The following TRIO variants were observed in gnomAD, a reference collection of about 807,000 sequenced individuals.
TRIO encodes triple functional domain protein.
A neutral mutation model predicts 351.9 loss-of-function variants in TRIO; 58 were observed. That is an observed-to-expected ratio of 0.16 (90% CI 0.13 to 0.21). The LOEUF is 0.21. TRIO is among the 10% of genes least tolerant of loss of function. TRIO has a pLI of 1.00. For missense variants in TRIO, 3,201 were observed against 4,027.8 expected, an observed-to-expected ratio of 0.79 and a Z score of 5.56; for synonymous variants, 1,758 against 1,595.7, an observed-to-expected ratio of 1.10 and a Z score of -2.42.
chr5:14,482,979 G>A (rs534612493), intron 46 of TRIO, among the ~76,000 whole-genome samples: 8 of 152,332 alleles, frequency 5.3e-5, no homozygotes, highest in African/African-American at 1.9e-4. Context: ...ACACCTCTGT[G>A]TAACCACAGC....
chr5:14,421,665 C>T (rs1561471746), intron 34 of TRIO, among the ~76,000 whole-genome samples: 1 of 150,838 alleles, frequency 6.6e-6, no homozygotes, highest in Non-Finnish European at 1.5e-5. Flanking sequence ...CAGCAACAGA[C>T]AGCAGGTGTG....
At chr5:14,266,666 A>C (rs954424468) in intron 1 of TRIO, among the ~76,000 whole-genome samples, 1 of 152,188 alleles carries the variant, frequency 6.6e-6, no homozygotes, top group Non-Finnish European at 1.5e-5. Context: ...TAAACATTCC[A>C]ATTTGTTTTA....
chr5:14,287,232 G>A lies in TRIO; in HGVS notation c.540+169G>A, dbSNP rs1281419798. On this transcript the variant is annotated intron_variant, in intron 4 of 56. Transcript: ENST00000344204. ...TTACTGCATGAAATAACAGAGCTGCGTTCATCATCCGAGTGGATTGTTTTA... is the reference window on the plus strand; with the variant it reads ...TTACTGCATGAAATAACAGAGCTGCATTCATCATCCGAGTGGATTGTTTTA... 2.1e-5 allele frequency: 14 copies of A among 677,196 alleles called. No individual in the cohort carries two copies. The Admixed American group carries it at 2.4e-4, about 12-fold the overall frequency. 41.9% of individuals were successfully genotyped at this position (677,196 alleles called of 1,614,324 possible).
At chr5:14,247,911 C>G (rs1382225032) in intron 1 of TRIO, among the ~76,000 whole-genome samples, 1 of 151,922 alleles carries the variant, frequency 6.6e-6, no homozygotes, top group African/African-American at 2.4e-5. Context: ...ACTAAACATA[C>G]AAAAATTAGC....
chr5:14,339,345 A>G (rs768882752), intron 11 of TRIO, among the ~76,000 whole-genome samples: 1 of 152,214 alleles, frequency 6.6e-6, no homozygotes, highest in Non-Finnish European at 1.5e-5. Context: ...CACTTATAAG[A>G]CCATGGAGTC....
At chr5:14,272,995 G>T (rs2152271132) in intron 2 of TRIO, among the ~76,000 whole-genome samples, 1 of 152,044 alleles carries the variant, frequency 6.6e-6, no homozygotes, top group East Asian at 1.9e-4. Flanking sequence ...TTTAAAACGT[G>T]TGATTCAGTG....
Position 14,265,117 on chromosome 5 carries a change from G to C in TRIO, c.158-5708G>C, listed in dbSNP as rs530358019. On this transcript the variant is annotated intron_variant, in intron 1 of 56. Coordinates refer to ENST00000344204, the MANE Select transcript of TRIO (RefSeq NM_007118.4). Reference sequence around the variant, plus strand: ...TTTTTTTTCCCAATCTCTTCCCGCAGATTATTTTCCCATTTAGTAAACACT... The same window carrying C: ...TTTTTTTTCCCAATCTCTTCCCGCACATTATTTTCCCATTTAGTAAACACT... 5.3e-4 allele frequency among the ~76,000 whole-genome samples: 76 copies of C among 143,998 alleles called. No homozygotes were observed. In the South Asian group the frequency reaches 7.2e-3, roughly 14 times the overall value. The allele number at this position is 143,998 out of a possible 152,430, so 94.5% of individuals were successfully genotyped here. A position where few individuals can be genotyped will look rare whatever the true frequency, so the allele number is the denominator to read the frequency against.
At chr5:14,174,609 C>T (rs1255789243) in intron 1 of TRIO, among the ~76,000 whole-genome samples, 3 of 152,184 alleles carry the variant, frequency 2.0e-5, no homozygotes, top group African/African-American at 4.8e-5. Flanking sequence ...GGCTGCGGGC[C>T]TGAACCCTTG....
At chr5:14,488,353 G>GCCCAGCGCTCTC in intron 48 of TRIO, 93 bp downstream of exon 48, 1 of 1,469,038 alleles carries the variant, frequency 6.8e-7, no homozygotes, top group South Asian at 1.3e-5. Context: ...TAACTCGGCT[G>GCCCAGCGCTCTC]CCCAGCGCTC....
chr5:14,249,415 A>G (rs1292402271), intron 1 of TRIO, among the ~76,000 whole-genome samples: 1 of 152,166 alleles, frequency 6.6e-6, no homozygotes, highest in Non-Finnish European at 1.5e-5. Flanking sequence ...GGGAGGCACC[A>G]TCATTACTTC....
At chr5:14,176,057 A>G (rs1470988701) in intron 1 of TRIO, among the ~76,000 whole-genome samples, 1 of 152,210 alleles carries the variant, frequency 6.6e-6, no homozygotes, top group Non-Finnish European at 1.5e-5. Context: ...TAATTCCAGC[A>G]CTTTGGGAAG....
At chr5:14,192,781 T>C (rs1170935423) in intron 1 of TRIO, among the ~76,000 whole-genome samples, 1 of 152,234 alleles carries the variant, frequency 6.6e-6, no homozygotes, top group Non-Finnish European at 1.5e-5. Flanking sequence ...TTACGTAGCC[T>C]CAGAGTTGAA....
intron 33 of TRIO, among the ~76,000 whole-genome samples, chr5:14,410,868 A>C (rs1749142222): frequency 6.6e-6 from 1 of 152,230 alleles, no homozygotes; most frequent in African/African-American, 2.4e-5. Context: ...CCCCAGCAGC[A>C]CGTTTCCTAC....
At chr5:14,210,920 C>T (rs527579575) in intron 1 of TRIO, among the ~76,000 whole-genome samples, 1 of 150,152 alleles carries the variant, frequency 6.7e-6, no homozygotes, top group South Asian at 2.1e-4. Context: ...CTTCTCCTCT[C>T]TGTCCTCTTT....
intron 34 of TRIO, among the ~76,000 whole-genome samples, chr5:14,435,433 C>A (rs1018044823): frequency 7.9e-5 from 12 of 152,118 alleles, no homozygotes; most frequent in Non-Finnish European, 1.5e-4. Context: ...GCAGCATTTC[C>A]CCCACTGTAA....
At chr5:14,241,922 G>C (rs1794150745) in intron 1 of TRIO, among the ~76,000 whole-genome samples, 1 of 152,026 alleles carries the variant, frequency 6.6e-6, no homozygotes, top group Admixed American at 6.5e-5. Context: ...TATGATTTTT[G>C]AAGTTAAAAG....
At chr5:14,167,965 A>G (rs1788869818) in intron 1 of TRIO, among the ~76,000 whole-genome samples, 1 of 152,166 alleles carries the variant, frequency 6.6e-6, no homozygotes, top group African/African-American at 2.4e-5. Flanking sequence ...TAATTGTGTG[A>G]TACTGAGGAG....
At chr5:14,421,231 ATTTTATTTTATTTTATTTTATTTTAT>A (rs1170011965) in intron 34 of TRIO, among the ~76,000 whole-genome samples, 2 of 74,116 alleles carry the variant, frequency 2.7e-5, no homozygotes, top group African/African-American at 8.1e-5. Flanking sequence ...TTATTTATTT[ATTTTATTTTATTTTATTTTATTTTAT>A]TTTATTTTAT....
At chr5:14,181,172 T>TAAAA (rs33999434) in intron 1 of TRIO, among the ~76,000 whole-genome samples, 1 of 148,258 alleles carries the variant, frequency 6.7e-6, no homozygotes, top group Non-Finnish European at 1.5e-5. Context: ...ACTGCAGACT[T>TAAAA]AAAAAAAAAA....
Sources: gnomAD v4.1 joint callset for allele counts (sites outside exome capture counted in the v4.1 genomes callset) on GRCh38, gnomAD v4.1.1 for gene constraint, MANE v1.5 for transcripts, NCBI Gene and HGNC (gene_info 2026-07-23, HGNC 2026-07-21) for gene names.